VPS9D1: variants seen among roughly 807,000 people sequenced by gnomAD.
VPS9D1 encodes the protein VPS9 domain-containing protein 1.
Under a neutral mutation model 75.8 loss-of-function variants are expected in VPS9D1, and 78 were observed. The observed-to-expected ratio is 1.03, with a 90% confidence interval of 0.86 to 1.24. The LOEUF (loss-of-function observed/expected upper bound fraction) is 1.24, where lower values mean the gene tolerates loss of function less well. Ranked by LOEUF, VPS9D1 falls within the 50% of genes most tolerant of loss-of-function variation. VPS9D1 has a pLI of 0.00. For synonymous variants in VPS9D1, 481 were observed against 385.6 expected (o/e 1.25, Z -2.90); for missense variants, 1,057 against 847.7 (o/e 1.25, Z -3.07).
In VPS9D1 at chr16:89,709,758, T is replaced by G; in HGVS notation, c.1388+19A>C. The G allele has an allele frequency of 6.2e-7, 1 of 1,613,254 alleles. No homozygotes were observed. Among genetic ancestry groups the G allele is most frequent in the East Asian group, 2.2e-5 (1 of 44,878 alleles). On this transcript the variant is annotated intron_variant, in intron 11 of 14. Transcript: ENST00000389386. ...GAAGACACTAGGCCACGCAGGTGGT[T>G]GTACAGCTGGGTCCATACCTGTACA...
At position 89,709,214 on chromosome 16, in the gene VPS9D1, C is replaced by T. The variant is rs368872112; in HGVS notation, c.1597+13G>A. On this transcript the variant is annotated intron_variant, in intron 12 of 14. Coordinates refer to ENST00000389386, the MANE Select transcript of VPS9D1 (RefSeq NM_004913.3). ...GGAGCCTGTCCCTCCCCCTGACTCT[C>T]GAACCTGCTGACCTATGCACTCCAG... The T allele has an allele frequency of 1.6e-5, 25 of 1,611,730 alleles. No homozygotes were observed. Among genetic ancestry groups the T allele is most frequent in the Middle Eastern group, 1.9e-4 (1 of 5,388 alleles).
chr16:89,709,701 G>A, intron 11 of VPS9D1, 76 bp downstream of exon 11: 1 of 1,601,276 alleles, frequency 6.2e-7, no homozygotes. Context: ...CAGTGCCAGG[G>A]AGCAGGGCAG....
In VPS9D1 at chr16:89,716,801, G is replaced by A; in HGVS notation, c.197C>T (p.Pro66Leu). Residue 66 changes from proline to leucine, a missense_variant, in exon 3 of 15, where the codon CCC becomes CTC. Pro to Leu is a moderately conservative substitution (Grantham distance 98). Transcript: ENST00000389386. ...TAGCTTCAGCATCTTGGAGGTGTCG[G>A]GGGGCACAGTTTCCCCAGCTTCTGG... ...TTKEAGETVP[P>L]DTSKMLKLAQ... 6.3e-7 allele frequency: 1 copy of A among 1,592,932 alleles called. No individual in the cohort carries two copies.
intron 10 of VPS9D1, 27 bp downstream of exon 10, chr16:89,710,559 G>A (rs764566004): frequency 1.3e-6 from 2 of 1,563,632 alleles, no homozygotes; most frequent in Middle Eastern, 1.7e-4. Context: ...AGCTGCGGCG[G>A]CTCTCCCAGG....
intron 14 of VPS9D1, 136 bp from the exon 15 acceptor site, chr16:89,708,090 T>C (rs1740600805): frequency 4.8e-6 from 4 of 834,722 alleles, no homozygotes. Context: ...TCAGGGCGGC[T>C]GGGCTAGAGG....
At chr16:89,710,048 G>T in intron 10 of VPS9D1, 142 bp from the exon 11 acceptor site, 1 of 1,210,800 alleles carries the variant, frequency 8.3e-7, no homozygotes, top group Non-Finnish European at 1.1e-6. Context: ...GACCCTCCTC[G>T]GCCCAGGGCA....
At position 89,707,729 on chromosome 16, in the gene VPS9D1, C is replaced by G. The variant is rs2060824496; in HGVS notation, c.*132G>C. ...GAGCTGGAGAGCACACCACAGTGGA[C>G]AAGCCCCCACCATGTGCAGAGCAGC... is the stretch of plus-strand genomic sequence containing the variant. On this transcript the variant is annotated 3_prime_UTR_variant, in exon 15 of 15. Coordinates refer to ENST00000389386, the MANE Select transcript of VPS9D1 (RefSeq NM_004913.3). 4.0e-6 allele frequency: 3 copies of G among 757,018 alleles called. No homozygotes were observed. Among genetic ancestry groups the G allele is most frequent in the African/African-American group, 1.7e-5 (1 of 57,278 alleles). The allele number at this position is 757,018 out of a possible 1,614,324, so 46.9% of individuals were successfully genotyped here.
chr16:89,712,190 A>T, intron 6 of VPS9D1, 91 bp from the exon 7 acceptor site: 2 of 1,520,766 alleles, frequency 1.3e-6, no homozygotes, highest in South Asian at 2.4e-5. Context: ...GGGACGTCCC[A>T]GGGACCTCCT....
intron 10 of VPS9D1, among the ~76,000 whole-genome samples, chr16:89,710,355 G>C (rs554773044): frequency 2.6e-5 from 4 of 152,250 alleles, no homozygotes; most frequent in African/African-American, 9.6e-5. Context: ...GGAGGCCGGG[G>C]TGGGCAGATC....
intron 13 of VPS9D1, 138 bp downstream of exon 13, chr16:89,708,719 T>C (rs1320510470): frequency 4.4e-6 from 5 of 1,128,148 alleles, no homozygotes; most frequent in African/African-American, 3.1e-5. Flanking sequence ...GAGCCAGGGC[T>C]GGGCCCACAC....
chr16:89,716,346 A>C, intron 4 of VPS9D1, 116 bp downstream of exon 4: 1 of 1,475,398 alleles, frequency 6.8e-7, no homozygotes, highest in Non-Finnish European at 9.2e-7. Flanking sequence ...AGCCTGGGTG[A>C]CAGAGTGAGA....
intron 6 of VPS9D1, 178 bp downstream of exon 6, chr16:89,712,282 C>T: frequency 1.5e-6 from 2 of 1,322,866 alleles, no homozygotes; most frequent in Non-Finnish European, 1.0e-6. Flanking sequence ...GGCCAGAGAA[C>T]ATGGGGGACG....
intron 1 of VPS9D1, 26 bp downstream of exon 1, chr16:89,720,737 C>T: frequency 7.0e-7 from 1 of 1,426,704 alleles, no homozygotes; most frequent in Non-Finnish European, 9.2e-7. Flanking sequence ...CCTCAGCGGC[C>T]AAGCCCCGCC....
chr16:89,710,052 C>A, intron 10 of VPS9D1, 146 bp from the exon 11 acceptor site: 1 of 1,161,514 alleles, frequency 8.6e-7, no homozygotes, highest in Non-Finnish European at 1.2e-6. Flanking sequence ...CTCCTCGGCC[C>A]AGGGCAGGGA....
rs372355723 is a variant in VPS9D1 at position 89,719,092 on chromosome 16, G to A, written c.110C>T (p.Thr37Met). ...ATAGTGGATGCTCCTCAGGTATTCC[G>A]TGTATGCCTCCTGTGTCCAGGAAAG... ...DTGNRPREAY[T>M]EYLRSIHYIS... Residue 37 changes from threonine (T) to methionine (M), a missense_variant, in exon 2 of 15, where the codon ACG (threonine) becomes ATG (methionine). Thr to Met is a moderately conservative substitution (Grantham distance 81). Transcript: ENST00000389386. 3.1e-6 allele frequency: 5 copies of A among 1,613,550 alleles called. No homozygotes were observed. The highest frequency in any genetic ancestry group is 2.2e-5 in the South Asian group (2 of 91,078).
Position 89,712,506 on chromosome 16 carries a change from C to G in VPS9D1, c.560G>C (p.Arg187Pro). 8 of 1,613,180 alleles carry G rather than the reference C, an allele frequency of 5.0e-6. No homozygotes were observed. Among genetic ancestry groups the G allele is most frequent in the Non-Finnish European group, 6.8e-6 (8 of 1,179,990 alleles). ...QKTSLTLSLQ[R>P]QMMENLVIAK... ...AATCACTAGGTTCTCCATCATCTGC[C>G]GCTGTAGAGAGAGGGTCTGGGGGGG... Residue 187 changes from arginine (R) to proline (P), a missense_variant, in exon 6 of 15, where the codon CGG becomes CCG. By Grantham distance (103) the Arg-to-Pro change is moderately radical. Coordinates refer to ENST00000389386, the MANE Select transcript of VPS9D1 (RefSeq NM_004913.3).
At chr16:89,713,242 T>C (rs1326897168) in intron 4 of VPS9D1, among the ~76,000 whole-genome samples, 1 of 152,030 alleles carries the variant, frequency 6.6e-6, no homozygotes, top group Non-Finnish European at 1.5e-5. Context: ...TTGCCAGGAC[T>C]TTTGGTTTTT....
Position 89,710,978 on chromosome 16 carries a change from C to T in VPS9D1, c.866G>A (p.Arg289Lys), listed in dbSNP as rs781492709. 3.4e-5 allele frequency: 49 copies of T among 1,442,202 alleles called. No homozygotes were observed. Among genetic ancestry groups the T allele is most frequent in the East Asian group, 5.0e-5 (2 of 39,824 alleles). The allele number at this position is 1,442,202 out of a possible 1,614,324, so 89.3% of individuals were successfully genotyped here. Residue 289 changes from arginine (R) to lysine (K), a missense_variant, in exon 10 of 15, where the codon AGG becomes AAG. Coordinates refer to ENST00000389386, the MANE Select transcript of VPS9D1 (RefSeq NM_004913.3). ...LPDHPIAQLL[R>K]RLQCSVYSAL... Reference sequence around the variant, plus strand: ...GCTGTACACGGAGCACTGCAGCCGCCTCAGGAGCTGCGCGATCGGGTGGTC... The same window carrying T: ...GCTGTACACGGAGCACTGCAGCCGCTTCAGGAGCTGCGCGATCGGGTGGTC...
intron 4 of VPS9D1, 69 bp downstream of exon 4, chr16:89,716,393 C>T: frequency 6.3e-7 from 1 of 1,597,324 alleles, no homozygotes; most frequent in South Asian, 1.1e-5. Context: ...TCGCTGTCAT[C>T]AGCTCATCTT....
Sources: gnomAD v4.1 joint callset for allele counts (sites outside exome capture counted in the v4.1 genomes callset) on GRCh38, gnomAD v4.1.1 for gene constraint, MANE v1.5 for transcripts, NCBI Gene and HGNC (gene_info 2026-07-23, HGNC 2026-07-21) for gene names.